TNRC18: variants seen among roughly 807,000 people sequenced by gnomAD.
TNRC18 encodes trinucleotide repeat-containing gene 18 protein.
A neutral mutation model predicts 226.7 loss-of-function variants in TNRC18; 69 were observed. The observed-to-expected ratio is 0.30, with a 90% CI of 0.25 to 0.37. TNRC18 has a LOEUF of 0.37. Ranked by LOEUF, TNRC18 falls within the 10% of genes least tolerant of loss-of-function variation. The pLI is 1.00. For missense variants in TNRC18, 4,754 were observed against 4,256.6 expected (o/e 1.12, Z -3.25); for synonymous variants, 2,449 against 1,927.6 (o/e 1.27, Z -7.09).
At chr7:5,389,461 G>A in intron 4 of TNRC18, 125 bp from the exon 5 acceptor site, 1 of 519,656 alleles carries the variant, frequency 1.9e-6, no homozygotes, top group East Asian at 7.2e-5. Flanking sequence ...TTTGGTTTTG[G>A]TTTTTTTTTT....
chr7:5,370,127 G>A (rs1010925692), intron 11 of TNRC18, among the ~76,000 whole-genome samples: 1 of 152,058 alleles, frequency 6.6e-6, no homozygotes, highest in Non-Finnish European at 1.5e-5. Context: ...ACCAGACTGG[G>A]CAACAGAGCA....
chr7:5,375,869 G>C (rs547675701), intron 9 of TNRC18, among the ~76,000 whole-genome samples, 165 bp downstream of exon 9: 1 of 152,178 alleles, frequency 6.6e-6, no homozygotes, highest in Non-Finnish European at 1.5e-5. Context: ...ATGGCTCCAG[G>C]TCTCGGTTCC....
At chr7:5,336,062 C>G (rs1049029343) in intron 18 of TNRC18, among the ~76,000 whole-genome samples, 15 of 151,962 alleles carry the variant, frequency 9.9e-5, no homozygotes, top group African/African-American at 3.1e-4. Flanking sequence ...CAAAAATTAT[C>G]TGGGCGTGGT....
chr7:5,327,587 A>G (rs1451871383), intron 19 of TNRC18, among the ~76,000 whole-genome samples: 3 of 152,060 alleles, frequency 2.0e-5, no homozygotes, highest in Non-Finnish European at 4.4e-5. Flanking sequence ...CTGTACCCAC[A>G]GGGAAACAAA....
intron 26 of TNRC18, among the ~76,000 whole-genome samples, chr7:5,314,343 C>T (rs10268669): frequency 0.67 from 102,465 of 151,820 alleles, 35,298 homozygotes; most frequent in East Asian, 0.87. Flanking sequence ...AGGCCTCCTT[C>T]GGCGGTTCCC....
Position 5,309,072 on chromosome 7 carries a change from G to A in TNRC18, c.8625+60C>T, listed in dbSNP as rs1311082577. The A allele has an allele frequency of 1.4e-5, 21 of 1,515,522 alleles. No individual in the cohort carries two copies. The highest frequency in any genetic ancestry group is 4.1e-5 in the African/African-American group (3 of 72,366). The allele number at this position is 1,515,522 out of a possible 1,614,324, so 93.9% of individuals were successfully genotyped here. On this transcript the variant is annotated intron_variant, in intron 28 of 29. Coordinates refer to ENST00000430969, the MANE Select transcript of TNRC18 (RefSeq NM_001080495.3). This position sits in a 1 kb window ranked among gnomAD's most constrained non-coding sequence, Gnocchi z 5.7. ...GATGCTCCAGCACCCAGAACGCCTCGCCCTCAGGTCTGCCCTACACCGCCT... is the reference window on the plus strand; with the variant it reads ...GATGCTCCAGCACCCAGAACGCCTCACCCTCAGGTCTGCCCTACACCGCCT...
At chr7:5,316,679 G>C (rs140488343) in intron 24 of TNRC18, among the ~76,000 whole-genome samples, 1 of 152,150 alleles carries the variant, frequency 6.6e-6, no homozygotes, top group African/African-American at 2.4e-5. Flanking sequence ...CACAGCAAAG[G>C]AGGGACGCAG....
chr7:5,365,805 C>T (rs1036682146), intron 11 of TNRC18, among the ~76,000 whole-genome samples: 1 of 151,866 alleles, frequency 6.6e-6, no homozygotes, highest in Non-Finnish European at 1.5e-5. Flanking sequence ...TGTGGTGGCT[C>T]ACGTCTGTAA....
chr7:5,356,665 G>C (rs1440664494), intron 16 of TNRC18, among the ~76,000 whole-genome samples: 3 of 152,118 alleles, frequency 2.0e-5, no homozygotes, highest in Admixed American at 6.6e-5. Flanking sequence ...CGCCAATCAC[G>C]GGCGCCCACC....
intron 5 of TNRC18, among the ~76,000 whole-genome samples, chr7:5,383,660 G>A (rs1310387484): frequency 6.6e-6 from 1 of 152,192 alleles, no homozygotes; most frequent in Non-Finnish European, 1.5e-5. Context: ...GAACTGCCCA[G>A]ACACAGGCGT....
chr7:5,344,944 G>A (rs909542788), intron 18 of TNRC18, among the ~76,000 whole-genome samples: 2 of 152,156 alleles, frequency 1.3e-5, no homozygotes, highest in Non-Finnish European at 2.9e-5. Flanking sequence ...CTGCCCAAGT[G>A]TGAGTGCCTG....
Position 5,341,564 on chromosome 7 carries a change from G to T in TNRC18, c.5719+3998C>A, listed in dbSNP as rs1268292109. Among the ~76,000 whole-genome samples the T allele has an allele frequency of 2.0e-5, 3 of 151,940 alleles. No individual in the cohort carries two copies. In the East Asian group the frequency reaches 5.8e-4, roughly 29 times the overall value. On this transcript the variant is annotated intron_variant, in intron 18 of 29. Coordinates refer to ENST00000430969, the MANE Select transcript of TNRC18 (RefSeq NM_001080495.3). ...GGATCATTTGAGGTCAGGAGTTCAAGACCAGCTGGGCCAACATGGGGAAAC... is the reference window on the plus strand; with the variant it reads ...GGATCATTTGAGGTCAGGAGTTCAATACCAGCTGGGCCAACATGGGGAAAC...
chr7:5,368,062 AAC>A (rs1491290421), intron 11 of TNRC18, among the ~76,000 whole-genome samples: 1 of 151,668 alleles, frequency 6.6e-6, no homozygotes, highest in Non-Finnish European at 1.5e-5. Context: ...AAAAAAAAAA[AAC>A]AACTTTGTTT....
chr7:5,375,272 G>A (rs1056601991), intron 9 of TNRC18, among the ~76,000 whole-genome samples: 2 of 152,152 alleles, frequency 1.3e-5, no homozygotes, highest in Admixed American at 6.5e-5. Context: ...TAGTACCACT[G>A]CACTCCAGCC....
At position 5,321,060 on chromosome 7, in the gene TNRC18, C is replaced by A. The variant is rs761877938; in HGVS notation, c.6560+13G>T. The A allele has an allele frequency of 1.3e-6, 2 of 1,529,606 alleles. No individual in the cohort carries two copies. Among genetic ancestry groups the A allele is most frequent in the Non-Finnish European group, 1.8e-6 (2 of 1,130,446 alleles). 94.8% of individuals were successfully genotyped at this position (1,529,606 alleles called of 1,614,324 possible). A position where few individuals can be genotyped will look rare whatever the true frequency, so the allele number is the denominator to read the frequency against. On this transcript the variant is annotated intron_variant, in intron 22 of 29. Coordinates refer to ENST00000430969, the MANE Select transcript of TNRC18 (RefSeq NM_001080495.3). ...GACACGGGGCTCTGTGCCGGACCTC[C>A]CACCCCACTCACATGTCTGGCGAGT...
chr7:5,392,543 G>A (rs919617142), intron 3 of TNRC18, among the ~76,000 whole-genome samples: 1 of 152,190 alleles, frequency 6.6e-6, no homozygotes, highest in Non-Finnish European at 1.5e-5. Context: ...GAACCCGGGA[G>A]GTAGAGGTTG....
intron 18 of TNRC18, 45 bp downstream of exon 18, chr7:5,345,517 G>GTCACCCCCCC: frequency 2.6e-6 from 1 of 377,744 alleles, no homozygotes; most frequent in South Asian, 4.4e-5. Flanking sequence ...AATGGCGTCC[G>GTCACCCCCCC]CCCCTCCCAC....
At chr7:5,392,495 T>C (rs1010993108) in intron 3 of TNRC18, among the ~76,000 whole-genome samples, 3 of 152,096 alleles carry the variant, frequency 2.0e-5, no homozygotes, top group African/African-American at 7.2e-5. Flanking sequence ...ACGCCTGTAA[T>C]CCCAGCTACT....
At position 5,319,210 on chromosome 7, in the gene TNRC18, C is replaced by T. The variant is rs556711944; in HGVS notation, c.6745+1108G>A. ...ATATGATGGAAAAAACTAAGTCTTC[C>T]TGGCCTGAGATCCTCTACTCAGGCT... On this transcript the variant is annotated intron_variant, in intron 24 of 29. Transcript: ENST00000430969. Among the ~76,000 whole-genome samples the T allele has an allele frequency of 3.3e-5, 5 of 152,286 alleles. No homozygotes were observed. The East Asian group carries it at 9.6e-4, about 29-fold the overall frequency.
Sources: gnomAD v4.1 joint callset for allele counts (sites outside exome capture counted in the v4.1 genomes callset) on GRCh38, gnomAD v4.1.1 for gene constraint, Gnocchi (gnomAD v3.1) non-coding constraint, MANE v1.5 for transcripts, NCBI Gene and HGNC (gene_info 2026-07-23, HGNC 2026-07-21) for gene names.